The following RETREG2 variants were observed in gnomAD, a reference collection of about 807,000 sequenced individuals.
RETREG2 encodes the protein reticulophagy regulator 2.
RETREG2 carries 21 observed loss-of-function variants against 51.6 expected under a neutral mutation model. The ratio of observed to expected loss-of-function variants is 0.41; its 90% CI spans 0.29 to 0.59. RETREG2 has a LOEUF of 0.59. Ranked by LOEUF, RETREG2 falls within the 20% of genes least tolerant of loss-of-function variation. RETREG2 has a pLI of 0.34. For missense variants in RETREG2, 674 were observed against 646.0 expected, an observed-to-expected ratio of 1.04 and a Z score of -0.47; for synonymous variants, 339 against 288.6, an observed-to-expected ratio of 1.17 and a Z score of -1.77.
In RETREG2 at chr2:219,181,483, G is replaced by A. The variant is rs1413808238; in HGVS notation, c.879+20G>A. On this transcript the variant is annotated intron_variant, in intron 7 of 8. Transcript: ENST00000430297. Reference sequence around the variant, plus strand: ...CCAGTGGTGAGGTCCAGGGAAAGCGGGGGTGTCAAATAGAAAGCCAGAGGA... The same window carrying A: ...CCAGTGGTGAGGTCCAGGGAAAGCGAGGGTGTCAAATAGAAAGCCAGAGGA... 5 of 1,613,004 alleles carry A rather than the reference G, an allele frequency of 3.1e-6. No individual in the cohort carries two copies. Among genetic ancestry groups the A allele is most frequent in the Non-Finnish European group, 4.2e-6 (5 of 1,179,206 alleles).
chr2:219,180,002 G>A, intron 3 of RETREG2, 108 bp from the exon 4 acceptor site: 1 of 1,433,790 alleles, frequency 7.0e-7, no homozygotes, highest in Middle Eastern at 2.5e-4. Flanking sequence ...TGAGAGGTGG[G>A]GTCATTTGCT....
In RETREG2 at chr2:219,179,764, G is replaced by T. The variant is rs1364387121; in HGVS notation, c.419+1G>T. On this transcript the variant is annotated splice_donor_variant, in intron 3 of 8. Transcript: ENST00000430297. LOFTEE classifies it high-confidence loss of function. ...CCCCAGAGGAGCCACACTCTGACAG[G>T]TGAGTACAGGCCACCTCTTGAAGAC... 6.2e-7 allele frequency: 1 copy of T among 1,613,984 alleles called. No individual in the cohort carries two copies. The highest frequency in any genetic ancestry group is 8.5e-7 in the Non-Finnish European group (1 of 1,179,886).
rs1211676372 is a variant in RETREG2 at position 219,184,808 on chromosome 2, T to C, written c.*2179T>C. The C allele has an allele frequency of 2.3e-5, 3 of 127,682 alleles. No individual in the cohort carries two copies. Among genetic ancestry groups the C allele is most frequent in the African/African-American group, 8.3e-5 (3 of 36,214 alleles). 7.9% of individuals were successfully genotyped at this position (127,682 alleles called of 1,614,324 possible). A position where few individuals can be genotyped will look rare whatever the true frequency, so the allele number is the denominator to read the frequency against. ...TATTCTTTTGTTGTTGTTGTTTTGG[T>C]TTTTTGTTTTTTGTGGGTTTTTTTT... On this transcript the variant is annotated 3_prime_UTR_variant, in exon 9 of 9. Transcript: ENST00000430297.
Position 219,182,141 on chromosome 2 carries a change from G to A in RETREG2, c.1144G>A (p.Ala382Thr). Residue 382 changes from alanine to threonine, a missense_variant, in exon 9 of 9, where the codon GCC becomes ACC. Coordinates refer to ENST00000430297, the MANE Select transcript of RETREG2 (RefSeq NM_024293.6). ...CCGTCCTCAAGCTCTGTCAAGGCAA[G>A]CCCTGGACTCGGAGGAAGAGGAAGA... ...LGRPQALSRQALDSEEEEEDV... is the reference protein window; with the variant it reads ...LGRPQALSRQTLDSEEEEEDV... The A allele has an allele frequency of 1.2e-6, 2 of 1,614,122 alleles. No homozygotes were observed.
intron 5 of RETREG2, 139 bp downstream of exon 5, chr2:219,180,893 T>C: frequency 7.5e-7 from 1 of 1,330,626 alleles, no homozygotes; most frequent in Non-Finnish European, 1.1e-6. Flanking sequence ...TATTAGTAAC[T>C]GTGGAAGACT....
At position 219,180,209 on chromosome 2, in the gene RETREG2, G is replaced by A; in HGVS notation, c.519G>A (p.Gln173=). The A allele has an allele frequency of 6.2e-7, 1 of 1,614,208 alleles. No homozygotes were observed. The highest frequency in any genetic ancestry group is 8.5e-7 in the Non-Finnish European group (1 of 1,180,036). The change falls in exon 4 of 9, where the codon CAG becomes CAA. Residue 173 remains glutamine (Q), a synonymous_variant. Coordinates refer to ENST00000430297, the MANE Select transcript of RETREG2 (RefSeq NM_024293.6). ...ESWLTFQIHL[Q]ELLQYKRQNP... is the part of the protein sequence containing the mutation. ...GGCTCACCTTCCAGATTCACCTGCA[G>A]GAGCTGCTGCAGTACAAGAGGCAGA...
chr2:219,184,823 G>GTTTTTTTTTTTTTTTTT lies in RETREG2; in HGVS notation c.*2194_*2195insTTTTTTTTTTTTTTTTT, dbSNP rs1559224136. ...GTTGTTTTGGTTTTTTGTTTTTTGT[G>GTTTTTTTTTTTTTTTTT]GGTTTTTTTTTTTTTTTTTTTGAGA... On this transcript the variant is annotated 3_prime_UTR_variant, in exon 9 of 9. Transcript: ENST00000430297. The GTTTTTTTTTTTTTTTTT allele has an allele frequency of 3.2e-5, 1 of 30,804 alleles. No homozygotes were observed. The highest frequency in any genetic ancestry group is 6.6e-5 in the African/African-American group (1 of 15,234). The allele number at this position is 30,804 out of a possible 1,614,324, so 1.9% of individuals were successfully genotyped here.
chr2:219,183,253 CCTT>C lies in RETREG2; in HGVS notation c.*626_*628del, dbSNP rs761032171. 2.6e-5 allele frequency: 4 copies of C among 154,176 alleles called. No homozygotes were observed. Among genetic ancestry groups the C allele is most frequent in the Non-Finnish European group, 4.3e-5 (3 of 69,146 alleles). The allele number at this position is 154,176 out of a possible 1,614,324, so 9.6% of individuals were successfully genotyped here. On this transcript the variant is annotated 3_prime_UTR_variant, in exon 9 of 9. Coordinates refer to ENST00000430297, the MANE Select transcript of RETREG2 (RefSeq NM_024293.6). Reference sequence around the variant, plus strand: ...TCTTAGGTCACTGTAGTCTGTGTAACCTTCACTGCATCCTTGCCCCATTCAGCC... The same window carrying C: ...TCTTAGGTCACTGTAGTCTGTGTAACCACTGCATCCTTGCCCCATTCAGCC...
chr2:219,180,396 C>G (rs1950261500), intron 4 of RETREG2, 151 bp downstream of exon 4: 4 of 1,112,984 alleles, frequency 3.6e-6, no homozygotes, highest in African/African-American at 1.6e-5. Context: ...CAGCTAATCC[C>G]TGGTGCAGGA....
Position 219,178,916 on chromosome 2 carries a change from C to G in RETREG2, c.282-6C>G, listed in dbSNP as rs1314484396. 6.2e-7 allele frequency: 1 copy of G among 1,605,576 alleles called. No individual in the cohort carries two copies. The highest frequency in any genetic ancestry group is 1.3e-5 in the African/African-American group (1 of 74,706). On this transcript the variant is annotated splice_region_variant and splice_polypyrimidine_tract_variant and intron_variant, in intron 1 of 8. Coordinates refer to ENST00000430297, the MANE Select transcript of RETREG2 (RefSeq NM_024293.6). The stretch of plus-strand genomic sequence containing the variant: ...CTCACTGCTGAGGTGCCTGTCTCTC[C>G]CTAAGGTTGCTGTCTTCCTCGTCCC...
Position 219,184,388 on chromosome 2 carries a change from T to C in RETREG2, c.*1759T>C, listed in dbSNP as rs1163032314. The C allele has an allele frequency of 6.6e-6, 1 of 152,064 alleles. No individual in the cohort carries two copies. The highest frequency in any genetic ancestry group is 6.6e-5 in the Admixed American group (1 of 15,252). The allele number at this position is 152,064 out of a possible 1,614,324, so 9.4% of individuals were successfully genotyped here. Reference sequence around the variant, plus strand: ...CTGTCTTTCTGCTGGAGGTACCATATGGTAATGCTGCCTGGCTGTCTGCTG... The same window carrying C: ...CTGTCTTTCTGCTGGAGGTACCATACGGTAATGCTGCCTGGCTGTCTGCTG... On this transcript the variant is annotated 3_prime_UTR_variant, in exon 9 of 9. Transcript: ENST00000430297.
rs779024997 is a variant in RETREG2 at position 219,181,194 on chromosome 2, A to T, written c.773A>T (p.His258Leu). The T allele has an allele frequency of 6.2e-7, 1 of 1,614,060 alleles. No individual in the cohort carries two copies. Among genetic ancestry groups the T allele is most frequent in the Non-Finnish European group, 8.5e-7 (1 of 1,179,996 alleles). Residue 258 changes from histidine (H) to leucine (L), a missense_variant, in exon 6 of 9, where the codon CAC (histidine) becomes CTC (leucine). His to Leu is a moderately conservative substitution (Grantham distance 99). Transcript: ENST00000430297. ...GAAGCCAATGCCCTGCATCACAAAC[A>T]CGACAAGAGGAGTAAGGGGCTGCCC... is the stretch of plus-strand genomic sequence containing the variant. Reference protein sequence around the residue: ...KAEANALHHKHDKRKRQGKNA... With the variant: ...KAEANALHHKLDKRKRQGKNA...
chr2:219,179,262 C>T (rs776746366), intron 2 of RETREG2, among the ~76,000 whole-genome samples: 1 of 152,194 alleles, frequency 6.6e-6, no homozygotes, highest in African/African-American at 2.4e-5. Context: ...ACCTGGGTTC[C>T]ATTCTCTGTT....
chr2:219,178,937 G>GT lies in RETREG2; in HGVS notation c.298dup (p.Ser100PhefsTer28). 6.2e-7 allele frequency: 1 copy of GT among 1,613,262 alleles called. No homozygotes were observed. Among genetic ancestry groups the GT allele is most frequent in the Non-Finnish European group, 8.5e-7 (1 of 1,179,448 alleles). ...TCTCCCTAAGGTTGCTGTCTTCCTC[G>GT]TCCCTCCGGCCCTTCTTCCTACTCA... On this transcript the variant is annotated frameshift_variant, in exon 2 of 9. Transcript: ENST00000430297. LOFTEE classifies it high-confidence loss of function.
chr2:219,178,793 C>CT, intron 1 of RETREG2, 129 bp from the exon 2 acceptor site: 1 of 1,138,950 alleles, frequency 8.8e-7, no homozygotes, highest in South Asian at 1.5e-5. Flanking sequence ...TTTTCTATCT[C>CT]TGAGTCGTGA....
At chr2:219,179,667 C>G (rs369965229) in intron 2 of RETREG2, 66 bp from the exon 3 acceptor site, 54 of 1,487,902 alleles carry the variant, frequency 3.6e-5, no homozygotes, top group Non-Finnish European at 4.9e-5. Flanking sequence ...ACAACTATTT[C>G]TGCCTTGGGG....
In RETREG2 at chr2:219,185,375, G is replaced by A. The variant is rs1237573838; in HGVS notation, c.*2746G>A. On this transcript the variant is annotated 3_prime_UTR_variant, in exon 9 of 9. Transcript: ENST00000430297. ...TACATGTTTATGTTAGGGGAGGAGGGAGTACATTTTAGCTATGTATTCAAA... is the reference window on the plus strand; with the variant it reads ...TACATGTTTATGTTAGGGGAGGAGGAAGTACATTTTAGCTATGTATTCAAA... 3 of 152,198 alleles carry A rather than the reference G, an allele frequency of 2.0e-5. No individual in the cohort carries two copies. The highest frequency in any genetic ancestry group is 2.0e-4 in the Admixed American group (3 of 15,276). 9.4% of individuals were successfully genotyped at this position (152,198 alleles called of 1,614,324 possible). A position where few individuals can be genotyped will look rare whatever the true frequency, so the allele number is the denominator to read the frequency against.
chr2:219,182,694 C>T lies in RETREG2; in HGVS notation c.*65C>T, dbSNP rs1489791395. On this transcript the variant is annotated 3_prime_UTR_variant, in exon 9 of 9. Coordinates refer to ENST00000430297, the MANE Select transcript of RETREG2 (RefSeq NM_024293.6). ...TCCTGGCTAGGAGTGTTGCTGTTTC[C>T]TCCTTTGCCTACCACTCTGGGGTGG... 4 of 1,567,276 alleles carry T rather than the reference C, an allele frequency of 2.6e-6. No individual in the cohort carries two copies. Among genetic ancestry groups the T allele is most frequent in the Admixed American group, 1.7e-5 (1 of 57,148 alleles).
rs1244665415 is a variant in RETREG2 at position 219,183,402 on chromosome 2, A to C, written c.*773A>C. 1 of 152,294 alleles carries C rather than the reference A, an allele frequency of 6.6e-6. No individual in the cohort carries two copies. Among genetic ancestry groups the C allele is most frequent in the East Asian group, 1.9e-4 (1 of 5,200 alleles). 9.4% of individuals were successfully genotyped at this position (152,294 alleles called of 1,614,324 possible). On this transcript the variant is annotated 3_prime_UTR_variant, in exon 9 of 9. Transcript: ENST00000430297. ...CCTTACTGCTCCTCTGGGTGATCCAAGTGTAGTGGGACCCCCTACTAGGGT... is the reference window on the plus strand; with the variant it reads ...CCTTACTGCTCCTCTGGGTGATCCACGTGTAGTGGGACCCCCTACTAGGGT...
Sources: allele counts gnomAD v4.1 joint callset (sites outside exome capture counted in the v4.1 genomes callset), GRCh38; gene constraint gnomAD v4.1.1; transcripts MANE v1.5; gene names NCBI Gene and HGNC (gene_info 2026-07-23, HGNC 2026-07-21).